CSMD3: variants seen among roughly 807,000 people sequenced by gnomAD.
CSMD3 encodes CUB and sushi domain-containing protein 3.
CSMD3 carries 177 observed loss-of-function variants against 435.2 expected under a neutral mutation model. The ratio of observed to expected loss-of-function variants is 0.41; its 90% CI spans 0.36 to 0.46. CSMD3 has a LOEUF of 0.46. CSMD3 is among the 20% of genes least tolerant of loss of function. The pLI, the probability that CSMD3 is intolerant of heterozygous loss-of-function variation, is 0.34. For missense variants in CSMD3, 4,265 were observed against 4,504.6 expected (o/e 0.95, Z 1.52); for synonymous variants, 1,656 against 1,520.5 (o/e 1.09, Z -2.07).
chr8:113,321,976 G>A (rs2093952277), intron 1 of CSMD3, among the ~76,000 whole-genome samples: 1 of 152,126 alleles, frequency 6.6e-6, no homozygotes, highest in African/African-American at 2.4e-5. Flanking sequence ...TATCTCCTCA[G>A]AGAGGCCTTT....
At chr8:112,882,117 A>G (rs1245186030) in intron 10 of CSMD3, among the ~76,000 whole-genome samples, 1 of 151,938 alleles carries the variant, frequency 6.6e-6, no homozygotes, top group Non-Finnish European at 1.5e-5. Flanking sequence ...GCATAAAACT[A>G]TCATTCAGAG....
chr8:112,696,931 T>G (rs75113362), intron 13 of CSMD3, among the ~76,000 whole-genome samples: 49,534 of 151,124 alleles, frequency 0.33, 8,694 homozygotes, highest in African/African-American at 0.49. Context: ...GAACAGACAC[T>G]TCTCAAAAGA....
chr8:112,888,759 A>T (rs2081688049), intron 10 of CSMD3, among the ~76,000 whole-genome samples: 1 of 151,610 alleles, frequency 6.6e-6, no homozygotes, highest in South Asian at 2.1e-4. Flanking sequence ...TGTAAAGGCC[A>T]CTCACGTTCA....
intron 13 of CSMD3, among the ~76,000 whole-genome samples, chr8:112,744,442 CTTTT>C (rs563116695): frequency 6.6e-6 from 1 of 151,902 alleles, no homozygotes; most frequent in Admixed American, 6.6e-5. Context: ...CATAGGAAGA[CTTTT>C]TTTGTGTTTA....
intron 2 of CSMD3, among the ~76,000 whole-genome samples, chr8:113,302,040 C>T (rs1005462312): frequency 1.3e-5 from 2 of 150,804 alleles, no homozygotes; most frequent in African/African-American, 4.9e-5. Flanking sequence ...TTTATGGTTG[C>T]CTGGCTTAAG....
chr8:113,103,320 G>A (rs1301289698), intron 4 of CSMD3, among the ~76,000 whole-genome samples: 1 of 152,054 alleles, frequency 6.6e-6, no homozygotes, highest in African/African-American at 2.4e-5. Context: ...CTCTACTCTT[G>A]TTCTAGGAAA....
intron 6 of CSMD3, among the ~76,000 whole-genome samples, chr8:112,984,595 T>C (rs1415092661): frequency 6.6e-6 from 1 of 152,036 alleles, no homozygotes; most frequent in Non-Finnish European, 1.5e-5. Flanking sequence ...ACTCAAATCT[T>C]CCCTGGAGGA....
At chr8:112,653,072 C>T (rs2075168485) in intron 18 of CSMD3, among the ~76,000 whole-genome samples, 1 of 152,148 alleles carries the variant, frequency 6.6e-6, no homozygotes, top group African/African-American at 2.4e-5. Flanking sequence ...CCGCCTCAGC[C>T]TCCAAAGTGC....
intron 3 of CSMD3, among the ~76,000 whole-genome samples, chr8:113,187,745 T>C (rs945031020): frequency 6.6e-6 from 1 of 151,964 alleles, no homozygotes; most frequent in Admixed American, 6.6e-5. Flanking sequence ...GTAACTCCCC[T>C]TCATCCTATT....
At chr8:112,503,111 G>A (rs62516489) in intron 30 of CSMD3, among the ~76,000 whole-genome samples, 4,319 of 152,076 alleles carry the variant, frequency 0.028, 108 homozygotes, top group Non-Finnish European at 0.047. Context: ...TTAGAGACAC[G>A]GTCTTGCTCT....
chr8:112,596,186 G>T (rs1586763675), intron 22 of CSMD3, among the ~76,000 whole-genome samples: 1 of 150,488 alleles, frequency 6.6e-6, no homozygotes, highest in South Asian at 2.1e-4. Context: ...CCAAGCAATT[G>T]GAAAACAAAA....
intron 4 of CSMD3, among the ~76,000 whole-genome samples, chr8:113,126,071 C>A (rs190500582): frequency 6.6e-6 from 1 of 152,074 alleles, no homozygotes; most frequent in East Asian, 1.9e-4. Flanking sequence ...CATTTTAATA[C>A]TAACGCACTT....
intron 22 of CSMD3, among the ~76,000 whole-genome samples, chr8:112,612,556 C>G (rs1448361059): frequency 6.6e-6 from 1 of 151,960 alleles, no homozygotes; most frequent in Non-Finnish European, 1.5e-5. Flanking sequence ...CATAGCAACA[C>G]TAATAGTTCT....
intron 38 of CSMD3, among the ~76,000 whole-genome samples, chr8:112,355,555 C>T (rs747880589): frequency 5.9e-5 from 9 of 152,080 alleles, no homozygotes; most frequent in South Asian, 2.1e-4. Context: ...TGGGCAAGGC[C>T]GTGCGTGGTG....
chr8:112,674,463 G>A (rs1021288432), intron 16 of CSMD3, among the ~76,000 whole-genome samples: 5 of 152,030 alleles, frequency 3.3e-5, no homozygotes, highest in Admixed American at 6.6e-5. Context: ...GCTTCTCACC[G>A]CACAATTCCC....
At chr8:112,801,629 T>C (rs559124590) in intron 12 of CSMD3, among the ~76,000 whole-genome samples, 18 of 152,194 alleles carry the variant, frequency 1.2e-4, no homozygotes, top group African/African-American at 4.3e-4. Flanking sequence ...CACATAATCA[T>C]TTGAAACATC....
At chr8:113,338,849 T>G (rs1337128060) in intron 1 of CSMD3, among the ~76,000 whole-genome samples, 1 of 152,020 alleles carries the variant, frequency 6.6e-6, no homozygotes, top group Non-Finnish European at 1.5e-5. Flanking sequence ...AATTTGGACC[T>G]GGTTGCATTT....
chr8:112,979,762 C>T (rs1312352601), intron 6 of CSMD3, among the ~76,000 whole-genome samples: 1 of 151,184 alleles, frequency 6.6e-6, no homozygotes, highest in African/African-American at 2.4e-5. Flanking sequence ...CATTTGATAT[C>T]AAATGATATA....
chr8:112,706,199 C>T (rs1252853514), intron 13 of CSMD3, among the ~76,000 whole-genome samples: 3 of 151,852 alleles, frequency 2.0e-5, no homozygotes, highest in Non-Finnish European at 4.4e-5. Context: ...CTTTCTTGTT[C>T]ACACATTCAT....
Sources: gnomAD v4.1 joint callset for allele counts (sites outside exome capture counted in the v4.1 genomes callset) on GRCh38, gnomAD v4.1.1 for gene constraint, MANE v1.5 for transcripts, NCBI Gene and HGNC (gene_info 2026-07-23, HGNC 2026-07-21) for gene names.